Variants in KCNK13 observed in about 807,000 individuals in gnomAD.
KCNK13 encodes potassium channel subfamily K member 13.
Under a neutral mutation model 23.4 loss-of-function variants are expected in KCNK13, and 12 were observed. The observed-to-expected ratio is 0.51, with a 90% confidence interval of 0.33 to 0.83. The LOEUF (loss-of-function observed/expected upper bound fraction) is 0.83. KCNK13 is among the 40% of genes least tolerant of loss of function. KCNK13 has a pLI of 0.02. For missense variants in KCNK13, 463 were observed against 556.3 expected (o/e 0.83, Z 1.69); for synonymous variants, 231 against 229.5 (o/e 1.01, Z -0.06).
intron 1 of KCNK13, among the ~76,000 whole-genome samples, chr14:90,120,251 C>A (rs1033130395): frequency 2.0e-5 from 3 of 152,132 alleles, no homozygotes; most frequent in African/African-American, 7.2e-5. Context: ...TGATCTTATT[C>A]TTTTTATGAC....
At chr14:90,165,066 G>A (rs1394874422) in intron 1 of KCNK13, among the ~76,000 whole-genome samples, 2 of 152,154 alleles carry the variant, frequency 1.3e-5, no homozygotes, top group African/African-American at 4.8e-5. Flanking sequence ...CTTACATGGT[G>A]GCTGGCAAGA....
At chr14:90,078,116 C>T (rs8009141) in intron 1 of KCNK13, among the ~76,000 whole-genome samples, 2,474 of 152,146 alleles carry the variant, frequency 0.016, 67 homozygotes, top group African/African-American at 0.056. Context: ...GTAACAGCAG[C>T]TGTATAAAGA....
chr14:90,182,849 T>C (rs551539874), intron 1 of KCNK13, among the ~76,000 whole-genome samples: 1 of 149,810 alleles, frequency 6.7e-6, no homozygotes, highest in East Asian at 2.0e-4. Flanking sequence ...AAGAGAGAGG[T>C]TTGATGGTTT....
chr14:90,184,076 T>C lies in KCNK13; in HGVS notation c.335-35T>C. 6.3e-7 allele frequency: 1 copy of C among 1,580,452 alleles called. No individual in the cohort carries two copies. Among genetic ancestry groups the C allele is most frequent in the South Asian group, 1.2e-5 (1 of 85,812 alleles). ...CCTAGACCCCATTCACAGCAAAGATTTCTCTTACTCTTCTCTCATTTTTCT... is the reference window on the plus strand; with the variant it reads ...CCTAGACCCCATTCACAGCAAAGATCTCTCTTACTCTTCTCTCATTTTTCT... On this transcript the variant is annotated intron_variant, in intron 1 of 1. Coordinates refer to ENST00000282146, the MANE Select transcript of KCNK13 (RefSeq NM_022054.4). The surrounding 1 kb of genome is among the most constrained non-coding windows in gnomAD (Gnocchi z 5.6).
chr14:90,143,212 C>CTTT (rs60670249), intron 1 of KCNK13, among the ~76,000 whole-genome samples: 1 of 112,596 alleles, frequency 8.9e-6, no homozygotes, highest in Non-Finnish European at 1.9e-5. Context: ...TCTTTCTTTT[C>CTTT]TTTTTTTTTT....
At chr14:90,117,372 C>T (rs1204884357) in intron 1 of KCNK13, among the ~76,000 whole-genome samples, 3 of 152,008 alleles carry the variant, frequency 2.0e-5, no homozygotes, top group Non-Finnish European at 4.4e-5. Flanking sequence ...GGTGGATCAC[C>T]TGAGGTCAGG....
chr14:90,067,871 A>T (rs1246197098), intron 1 of KCNK13, among the ~76,000 whole-genome samples: 1 of 152,100 alleles, frequency 6.6e-6, no homozygotes, highest in Non-Finnish European at 1.5e-5. Flanking sequence ...GGTTTGAGGT[A>T]CTCTGCATTT....
rs1010955351 is a variant in KCNK13, at chr14:90,184,214, G to A, written c.438G>A (p.Leu146=). ...CCATCTTGTTCTTCAACCTCTTCCT[G>A]GAGCGCCTGATCACCATCATCGCCT... is the stretch of plus-strand genomic sequence containing the variant. ...SSTILFFNLF[L]ERLITIIAYI... The change falls in exon 2 of 2, where the codon CTG becomes CTA. Residue 146 remains leucine (L), a synonymous_variant. Transcript: ENST00000282146. The surrounding 1 kb of genome is among the most constrained non-coding windows in gnomAD (Gnocchi z 5.6). The A allele has an allele frequency of 6.2e-7, 1 of 1,614,072 alleles. No homozygotes were observed. Among genetic ancestry groups the A allele is most frequent in the Non-Finnish European group, 8.5e-7 (1 of 1,180,060 alleles).
chr14:90,110,531 C>T (rs1889603604), intron 1 of KCNK13, among the ~76,000 whole-genome samples: 1 of 151,478 alleles, frequency 6.6e-6, no homozygotes, highest in African/African-American at 2.4e-5. Context: ...GAATGGGACC[C>T]AGGATTTTGC....
At chr14:90,170,064 T>C (rs1890346996) in intron 1 of KCNK13, among the ~76,000 whole-genome samples, 1 of 152,002 alleles carries the variant, frequency 6.6e-6, no homozygotes, top group Non-Finnish European at 1.5e-5. Context: ...CCCACAAGCA[T>C]GGAAATAAAA....
At chr14:90,123,382 G>T (rs1396749607) in intron 1 of KCNK13, among the ~76,000 whole-genome samples, 1 of 152,160 alleles carries the variant, frequency 6.6e-6, no homozygotes, top group African/African-American at 2.4e-5. Context: ...TTCCCTCCGT[G>T]TGTGTCTGGG....
intron 1 of KCNK13, among the ~76,000 whole-genome samples, chr14:90,099,081 A>T (rs1889445362): frequency 6.8e-6 from 1 of 148,134 alleles, no homozygotes. Context: ...TCTCTATAAA[A>T]AAATTTTTAA....
intron 1 of KCNK13, among the ~76,000 whole-genome samples, chr14:90,118,485 T>C (rs1039262625): frequency 2.0e-5 from 3 of 152,260 alleles, no homozygotes; most frequent in African/African-American, 7.2e-5. Context: ...ATCCACATTG[T>C]AGCATGATTC....
intron 1 of KCNK13, among the ~76,000 whole-genome samples, chr14:90,129,180 A>G (rs772256662): frequency 6.6e-6 from 1 of 152,210 alleles, no homozygotes; most frequent in Non-Finnish European, 1.5e-5. Flanking sequence ...TGTCTAAACT[A>G]GAACCTATTT....
chr14:90,127,901 T>C (rs1319770204), intron 1 of KCNK13, among the ~76,000 whole-genome samples: 1 of 149,926 alleles, frequency 6.7e-6, no homozygotes, highest in African/African-American at 2.5e-5. Flanking sequence ...CCATTCTGAG[T>C]GTACTTTTGG....
chr14:90,122,621 CACTT>C (rs1465973878), intron 1 of KCNK13, among the ~76,000 whole-genome samples: 1 of 152,028 alleles, frequency 6.6e-6, no homozygotes, highest in African/African-American at 2.4e-5. Context: ...GGGTTGTACT[CACTT>C]ACTGTTTAAG....
At chr14:90,066,630 C>T (rs984723671) in intron 1 of KCNK13, among the ~76,000 whole-genome samples, 3 of 152,246 alleles carry the variant, frequency 2.0e-5, no homozygotes, top group African/African-American at 7.2e-5. Flanking sequence ...TTGTGTAGGA[C>T]AACAGATGAT....
intron 1 of KCNK13, among the ~76,000 whole-genome samples, chr14:90,139,645 C>T (rs758620932): frequency 8.6e-5 from 13 of 152,042 alleles, no homozygotes; most frequent in African/African-American, 1.2e-4. Flanking sequence ...CAGTGTTGTA[C>T]GTGAGCAAGA....
chr14:90,063,981 C>T (rs890917981), intron 1 of KCNK13, among the ~76,000 whole-genome samples: 4 of 152,198 alleles, frequency 2.6e-5, no homozygotes, highest in African/African-American at 9.7e-5. Flanking sequence ...AACTGGGTAT[C>T]AGGCAGGAAA....
Sources: allele counts gnomAD v4.1 joint callset (sites outside exome capture counted in the v4.1 genomes callset), GRCh38; gene constraint gnomAD v4.1.1; non-coding constraint Gnocchi (gnomAD v3.1); transcripts MANE v1.5; gene names NCBI Gene and HGNC (gene_info 2026-07-23, HGNC 2026-07-21).